The following PCDHGB4 variants were observed in gnomAD, a reference collection of about 807,000 sequenced individuals.
PCDHGB4 encodes the protein protocadherin gamma-B4.
A neutral mutation model predicts 60.5 loss-of-function variants in PCDHGB4; 38 were observed. The ratio of observed to expected loss-of-function variants is 0.63; its 90% CI spans 0.48 to 0.82. The LOEUF (loss-of-function observed/expected upper bound fraction) is 0.82, where lower values mean the gene tolerates loss of function less well. PCDHGB4 is among the 40% of genes least tolerant of loss of function. The probability of loss-of-function intolerance (pLI) is 0.00; values close to 1 mark genes in which losing one functional copy is unlikely to be tolerated. For missense variants in PCDHGB4, 1,109 were observed against 1,209.6 expected (o/e 0.92, Z 1.23); for synonymous variants, 456 against 509.7 (o/e 0.89, Z 1.42).
intron 1 of PCDHGB4, among the ~76,000 whole-genome samples, chr5:141,455,243 A>G (rs945218710): frequency 1.3e-5 from 2 of 152,146 alleles, no homozygotes; most frequent in Non-Finnish European, 2.9e-5. Flanking sequence ...GTTAAAGGTC[A>G]TAGTACAATC....
chr5:141,498,805 C>T (rs1397026274), intron 2 of PCDHGB4, among the ~76,000 whole-genome samples: 1 of 152,000 alleles, frequency 6.6e-6, no homozygotes, highest in Non-Finnish European at 1.5e-5. Flanking sequence ...TGGTGGTGCA[C>T]ACCTGTAGTC....
At chr5:141,390,646 C>G (rs2092199925) in intron 1 of PCDHGB4, 1 of 218,218 alleles carries the variant, frequency 4.6e-6, no homozygotes, top group Non-Finnish European at 9.0e-6. Flanking sequence ...CTTTTTTCAG[C>G]TTGGATATAC....
intron 1 of PCDHGB4, chr5:141,410,181 T>C: frequency 6.2e-7 from 1 of 1,613,814 alleles, no homozygotes; most frequent in South Asian, 1.1e-5. Context: ...ACCGCCACGC[T>C]TCATCTGGTC....
At chr5:141,509,136 C>T (rs1217992935) in intron 3 of PCDHGB4, among the ~76,000 whole-genome samples, 1 of 152,142 alleles carries the variant, frequency 6.6e-6, no homozygotes, top group Non-Finnish European at 1.5e-5. Context: ...AAAACCGAGG[C>T]GCATCCCGGC....
chr5:141,400,231 G>T (rs572459159), intron 1 of PCDHGB4: 62 of 1,613,870 alleles, frequency 3.8e-5, no homozygotes, highest in Non-Finnish European at 5.1e-5. Flanking sequence ...CTTCCTCCTG[G>T]CCGTGATTCT....
intron 1 of PCDHGB4, chr5:141,410,478 C>T (rs767257836): frequency 1.9e-6 from 3 of 1,613,992 alleles, no homozygotes; most frequent in Non-Finnish European, 2.5e-6. Flanking sequence ...ATTGCACATA[C>T]GGGTACAAAA....
At chr5:141,398,895 A>G (rs2093721929) in intron 1 of PCDHGB4, 3 of 1,613,988 alleles carry the variant, frequency 1.9e-6, no homozygotes, top group African/African-American at 1.3e-5. Flanking sequence ...AAAACGTGCC[A>G]CCAGGCACCA....
At chr5:141,503,384 C>G (rs898225633) in intron 2 of PCDHGB4, among the ~76,000 whole-genome samples, 1 of 151,906 alleles carries the variant, frequency 6.6e-6, no homozygotes, top group Non-Finnish European at 1.5e-5. Flanking sequence ...ATCATGAGGT[C>G]AGGAGTTCGA....
Position 141,389,169 on chromosome 5 carries a change from C to G in PCDHGB4, c.1285C>G (p.Pro429Ala). Reference sequence around the variant, plus strand: ...TACGGCAACAGATCGGGGCAAGCCTCCCCTCTCCTCCAGTTCCAGCATCAC... The same window carrying G: ...TACGGCAACAGATCGGGGCAAGCCTGCCCTCTCCTCCAGTTCCAGCATCAC... ...TVTATDRGKP[P>A]LSSSSSITLH... The change falls in exon 1 of 4, where the codon CCC (proline) becomes GCC (alanine). Residue 429 changes from proline (P) to alanine (A), a missense_variant. This residue lies in a region of PCDHGB4 where 1,068 missense variants were observed against 1,089.9 expected (regional missense o/e 0.98). Coordinates refer to ENST00000519479, the MANE Select transcript of PCDHGB4 (RefSeq NM_003736.4). The G allele has an allele frequency of 6.2e-7, 1 of 1,614,028 alleles. No homozygotes were observed. Among genetic ancestry groups the G allele is most frequent in the African/African-American group, 1.3e-5 (1 of 75,072 alleles).
intron 1 of PCDHGB4, chr5:141,419,158 C>T (rs757849297): frequency 5.0e-6 from 8 of 1,613,950 alleles, no homozygotes; most frequent in Admixed American, 1.7e-5. Context: ...CTCCGTTATC[C>T]TCCAGCAAAA....
Position 141,389,736 on chromosome 5 carries a change from G to A in PCDHGB4, c.1852G>A (p.Gly618Arg). 1 of 1,612,710 alleles carries A rather than the reference G, an allele frequency of 6.2e-7. No individual in the cohort carries two copies. Among genetic ancestry groups the A allele is most frequent in the Non-Finnish European group, 8.5e-7 (1 of 1,179,724 alleles). ...QASEPGLFSLGLRTGEVRTAR... is the reference protein window; with the variant it reads ...QASEPGLFSLRLRTGEVRTAR... ...TAGCGAGCCCGGGCTCTTCAGCCTGGGGCTGCGCACGGGCGAAGTGCGCAC... is the reference window on the plus strand; with the variant it reads ...TAGCGAGCCCGGGCTCTTCAGCCTGAGGCTGCGCACGGGCGAAGTGCGCAC... Residue 618 changes from glycine to arginine, a missense_variant, in exon 1 of 4, where the codon GGG becomes AGG. By Grantham distance (125) the Gly-to-Arg change is moderately radical. Coordinates refer to ENST00000519479, the MANE Select transcript of PCDHGB4 (RefSeq NM_003736.4).
At chr5:141,443,481 G>C (rs1025329476) in intron 1 of PCDHGB4, among the ~76,000 whole-genome samples, 3 of 152,114 alleles carry the variant, frequency 2.0e-5, no homozygotes, top group African/African-American at 7.2e-5. Context: ...ATTAGACCCT[G>C]TCCCAAAACA....
chr5:141,426,772 C>T, intron 1 of PCDHGB4: 1 of 456,686 alleles, frequency 2.2e-6, no homozygotes, highest in South Asian at 1.5e-5. Context: ...GATGTAGGGC[C>T]TCACTCTCTC....
In PCDHGB4 at chr5:141,490,823, A is replaced by T. The variant is rs1340589166; in HGVS notation, c.2398-3984A>T. ...CGTACCTTTGACTATGAATTGCTGC[A>T]GATGCTGCAGATTGTGGTGGGGGTT... On this transcript the variant is annotated intron_variant, in intron 1 of 3. Transcript: ENST00000519479. This position sits in a 1 kb window ranked among gnomAD's most constrained non-coding sequence, Gnocchi z 5.4. 13 of 1,613,928 alleles carry T rather than the reference A, an allele frequency of 8.1e-6. No individual in the cohort carries two copies. Among genetic ancestry groups the T allele is most frequent in the Non-Finnish European group, 9.3e-6 (11 of 1,179,864 alleles).
At chr5:141,408,148 G>C in intron 1 of PCDHGB4, 2 of 1,504,962 alleles carry the variant, frequency 1.3e-6, no homozygotes, top group Non-Finnish European at 1.8e-6. Context: ...TAGCGCGGTA[G>C]AGTGCACTTT....
intron 2 of PCDHGB4, among the ~76,000 whole-genome samples, chr5:141,495,601 G>C (rs1315613802): frequency 6.6e-6 from 1 of 152,004 alleles, no homozygotes; most frequent in Non-Finnish European, 1.5e-5. Context: ...CTTAGCTTCC[G>C]TCTTGATTGC....
In PCDHGB4 at chr5:141,413,451, C is replaced by T. The variant is rs1561742650; in HGVS notation, c.2397+23170C>T. 6.2e-6 allele frequency: 10 copies of T among 1,614,118 alleles called. No homozygotes were observed. The South Asian group carries it at 1.1e-4, about 18-fold the overall frequency. ...GCAGCGGCAGCTTGATCACCGCGGGCAGGATAGACCGGGAGGAGCTCTGCG... is the reference window on the plus strand; with the variant it reads ...GCAGCGGCAGCTTGATCACCGCGGGTAGGATAGACCGGGAGGAGCTCTGCG... On this transcript the variant is annotated intron_variant, in intron 1 of 3. Transcript: ENST00000519479.
At chr5:141,430,392 A>G (rs2097281137) in intron 1 of PCDHGB4, among the ~76,000 whole-genome samples, 1 of 152,136 alleles carries the variant, frequency 6.6e-6, no homozygotes, top group Non-Finnish European at 1.5e-5. Context: ...GGAAAAAAAA[A>G]AAAAGCTCAC....
rs746271589 is a variant in PCDHGB4, at chr5:141,387,848, C to T, written c.-37C>T. 1 of 1,597,460 alleles carries T rather than the reference C, an allele frequency of 6.3e-7. No homozygotes were observed. Among genetic ancestry groups the T allele is most frequent in the South Asian group, 1.1e-5 (1 of 88,830 alleles). On this transcript the variant is annotated 5_prime_UTR_variant, in exon 1 of 4. Transcript: ENST00000519479. ...ACAGAGGTTATTTGTAACCCGGCGT[C>T]TCCAGGCTGGTGAGCAAGCTGAGGA... is the stretch of plus-strand genomic sequence containing the variant.
Sources: gnomAD v4.1 joint callset for allele counts (sites outside exome capture counted in the v4.1 genomes callset) on GRCh38, gnomAD v4.1.1 for gene constraint, gnomAD v4.1.1 regional missense constraint, Gnocchi (gnomAD v3.1) non-coding constraint, MANE v1.5 for transcripts, NCBI Gene and HGNC (gene_info 2026-07-23, HGNC 2026-07-21) for gene names.